ANO3: variants seen among roughly 807,000 people sequenced by gnomAD.
ANO3 encodes anoctamin-3.
Under a neutral mutation model 144.8 loss-of-function variants are expected in ANO3, and 99 were observed. The observed-to-expected ratio is 0.68, with a 90% CI of 0.58 to 0.81. ANO3 has a LOEUF of 0.81. ANO3 is among the 30% of genes least tolerant of loss of function. The pLI, the probability that ANO3 is intolerant of heterozygous loss-of-function variation, is 0.00. For synonymous variants in ANO3, 414 were observed against 392.6 expected, an observed-to-expected ratio of 1.05 and a Z score of -0.64; for missense variants, 905 against 1,202.2, an observed-to-expected ratio of 0.75 and a Z score of 3.66.
At chr11:26,266,663 G>C (rs550989756) in intron 1 of ANO3, among the ~76,000 whole-genome samples, 20 of 151,854 alleles carry the variant, frequency 1.3e-4, no homozygotes, top group African/African-American at 4.6e-4. Flanking sequence ...TCGAACTCCT[G>C]ACATTGTGGT....
At position 26,660,258 on chromosome 11, in the gene ANO3, G is replaced by T. The variant is rs1369693847; in HGVS notation, c.2764-4G>T. The stretch of plus-strand genomic sequence containing the variant: ...AACTGTCCTTTTCACATTTAAATTT[G>T]CAGCACCTTGTTTTTGGGATTAAGT... On this transcript the variant is annotated splice_region_variant and splice_polypyrimidine_tract_variant and intron_variant, in intron 26 of 26. Coordinates refer to ENST00000256737, the MANE Select transcript of ANO3 (RefSeq NM_031418.4). 4 of 1,612,440 alleles carry T rather than the reference G, an allele frequency of 2.5e-6. No individual in the cohort carries two copies.
rs567221239 is a variant in ANO3 at position 26,336,295 on chromosome 11, T to C, written c.46+3974T>C. Among the ~76,000 whole-genome samples, 12 of 152,334 alleles carry C rather than the reference T, an allele frequency of 7.9e-5. No individual in the cohort carries two copies. The South Asian group carries it at 2.3e-3, about 29-fold the overall frequency. Reference sequence around the variant, plus strand: ...GCTACCAAGACTTTTCATAGAACCATAGATCAAATCAAACACAGCCTGTCC... The same window carrying C: ...GCTACCAAGACTTTTCATAGAACCACAGATCAAATCAAACACAGCCTGTCC... On this transcript the variant is annotated intron_variant, in intron 1 of 26. Coordinates refer to ENST00000256737, the MANE Select transcript of ANO3 (RefSeq NM_031418.4).
chr11:26,383,070 G>GT (rs1856629359), intron 1 of ANO3, among the ~76,000 whole-genome samples: 1 of 152,106 alleles, frequency 6.6e-6, no homozygotes, highest in Admixed American at 6.5e-5. Context: ...ACTAGATGAA[G>GT]TTAAGTCTGT....
At chr11:26,236,813 G>A (rs191578485) in intron 1 of ANO3, among the ~76,000 whole-genome samples, 1,839 of 95,302 alleles carry the variant, frequency 0.019, 32 homozygotes, top group East Asian at 0.13. Flanking sequence ...GTGAGACTCC[G>A]TCTCAAAAAA....
intron 1 of ANO3, among the ~76,000 whole-genome samples, chr11:26,216,770 T>C (rs576859326): frequency 1.3e-4 from 20 of 152,172 alleles, no homozygotes; most frequent in Admixed American, 8.5e-4. Flanking sequence ...TTGCACTCTG[T>C]CCAACAATTT....
chr11:26,273,338 A>C (rs775826434), intron 1 of ANO3, among the ~76,000 whole-genome samples: 15 of 149,748 alleles, frequency 1.0e-4, no homozygotes, highest in Non-Finnish European at 2.1e-4. Context: ...CAATGTTTCT[A>C]TTTCAGCCTC....
chr11:26,572,634 T>TG (rs1484061917), intron 14 of ANO3, among the ~76,000 whole-genome samples: 2 of 152,094 alleles, frequency 1.3e-5, no homozygotes, highest in African/African-American at 4.8e-5. Flanking sequence ...GAAAATGTAG[T>TG]GGGGTCAGTA....
chr11:26,511,236 A>G (rs995960610), intron 5 of ANO3, among the ~76,000 whole-genome samples: 3 of 152,178 alleles, frequency 2.0e-5, no homozygotes, highest in African/African-American at 7.2e-5. Context: ...GTTTCCTAAC[A>G]GTGAAAAGGT....
intron 17 of ANO3, among the ~76,000 whole-genome samples, chr11:26,620,165 G>T (rs1218880934): frequency 3.9e-5 from 6 of 152,036 alleles, no homozygotes; most frequent in Admixed American, 3.3e-4. Context: ...AAGTGGCATG[G>T]TACTATTGTA....
chr11:26,221,291 G>A (rs536708157), intron 1 of ANO3, among the ~76,000 whole-genome samples: 3 of 152,340 alleles, frequency 2.0e-5, no homozygotes, highest in South Asian at 2.1e-4. Context: ...TCTTCACTCA[G>A]TAATTCAGGG....
chr11:26,521,102 G>A (rs1862054412), intron 6 of ANO3, among the ~76,000 whole-genome samples: 1 of 151,998 alleles, frequency 6.6e-6, no homozygotes. Flanking sequence ...TGGGATAGCA[G>A]CCAACTCATA....
chr11:26,645,130 T>C (rs919667191), intron 23 of ANO3, among the ~76,000 whole-genome samples: 2 of 152,162 alleles, frequency 1.3e-5, no homozygotes, highest in African/African-American at 4.8e-5. Context: ...GCTGTCATTT[T>C]ATTATTTCAT....
intron 4 of ANO3, among the ~76,000 whole-genome samples, chr11:26,471,122 A>G (rs1421033007): frequency 2.6e-5 from 4 of 151,988 alleles, no homozygotes; most frequent in Admixed American, 2.6e-4. Flanking sequence ...TCATTTTGAC[A>G]AACAAGAAAA....
chr11:26,486,700 T>A (rs1860466918), intron 4 of ANO3, among the ~76,000 whole-genome samples: 1 of 152,166 alleles, frequency 6.6e-6, no homozygotes, highest in Non-Finnish European at 1.5e-5. Context: ...ACTAAATTGG[T>A]ATGTTTTCAT....
intron 7 of ANO3, among the ~76,000 whole-genome samples, chr11:26,527,170 C>A (rs1043832880): frequency 1.3e-5 from 2 of 151,962 alleles, no homozygotes; most frequent in Non-Finnish European, 2.9e-5. Context: ...ATGGCAAATG[C>A]GTATACTAAA....
intron 23 of ANO3, among the ~76,000 whole-genome samples, chr11:26,647,229 A>T (rs1051185077): frequency 5.3e-5 from 8 of 152,208 alleles, no homozygotes; most frequent in Non-Finnish European, 1.0e-4. Flanking sequence ...GTCTACTAGA[A>T]CTTTTCAGTT....
At chr11:26,371,006 C>T (rs1013996679) in intron 1 of ANO3, among the ~76,000 whole-genome samples, 1 of 152,196 alleles carries the variant, frequency 6.6e-6, no homozygotes, top group Non-Finnish European at 1.5e-5. Context: ...AATGAGGAGT[C>T]GAATGTGAAT....
At chr11:26,336,027 G>T (rs1416021683) in intron 1 of ANO3, among the ~76,000 whole-genome samples, 1 of 152,160 alleles carries the variant, frequency 6.6e-6, no homozygotes, top group Non-Finnish European at 1.5e-5. Context: ...TGTCCCAAGG[G>T]TAAATTGGAG....
At chr11:26,509,869 C>A (rs775358526) in intron 5 of ANO3, among the ~76,000 whole-genome samples, 1 of 151,934 alleles carries the variant, frequency 6.6e-6, no homozygotes, top group Non-Finnish European at 1.5e-5. Flanking sequence ...TTAGGCCTGG[C>A]GCCATGGCTC....
Sources: gnomAD v4.1 joint callset for allele counts (sites outside exome capture counted in the v4.1 genomes callset) on GRCh38, gnomAD v4.1.1 for gene constraint, MANE v1.5 for transcripts, NCBI Gene and HGNC (gene_info 2026-07-23, HGNC 2026-07-21) for gene names.